LRMDA: variants seen among roughly 807,000 people sequenced by gnomAD.
LRMDA encodes leucine rich melanocyte differentiation associated, also known as leucine-rich melanocyte differentiation-associated protein.
In LRMDA, 18 loss-of-function variants were observed where a neutral mutation model predicts 29.8. That is an observed-to-expected ratio of 0.60 (90% CI 0.42 to 0.90). The LOEUF is 0.90. LRMDA is among the 40% of genes least tolerant of loss of function. The probability of loss-of-function intolerance (pLI) is 0.00; values close to 1 mark genes in which losing one functional copy is unlikely to be tolerated. For synonymous variants in LRMDA, 125 were observed against 109.4 expected, an observed-to-expected ratio of 1.14 and a Z score of -0.89; for missense variants, 273 against 273.9, an observed-to-expected ratio of 1.00 and a Z score of 0.02.
At chr10:76,331,533 G>A (rs1048292086) in intron 6 of LRMDA, among the ~76,000 whole-genome samples, 1 of 152,110 alleles carries the variant, frequency 6.6e-6, no homozygotes, top group Non-Finnish European at 1.5e-5. Flanking sequence ...GTATTGAAAA[G>A]TGGCAAAAGG....
chr10:76,229,263 G>A (rs11814755), intron 5 of LRMDA, among the ~76,000 whole-genome samples: 2,061 of 152,284 alleles, frequency 0.014, 48 homozygotes, highest in African/African-American at 0.047. Flanking sequence ...CAGGCATGGG[G>A]CATCACAAGA....
At chr10:75,569,610 C>A (rs1165176986) in intron 2 of LRMDA, among the ~76,000 whole-genome samples, 1 of 152,192 alleles carries the variant, frequency 6.6e-6, no homozygotes, top group Non-Finnish European at 1.5e-5. Flanking sequence ...AAACATTTTC[C>A]ATTTTCATTT....
chr10:76,136,849 A>C (rs1457119474), intron 5 of LRMDA, among the ~76,000 whole-genome samples: 1 of 152,210 alleles, frequency 6.6e-6, no homozygotes, highest in Non-Finnish European at 1.5e-5. Context: ...CAAGCGTATC[A>C]ATACCCCAAG....
chr10:76,274,621 GTATTT>G (rs908119982), intron 5 of LRMDA, among the ~76,000 whole-genome samples: 199 of 152,222 alleles, frequency 1.3e-3, no homozygotes, highest in African/African-American at 4.4e-3. Flanking sequence ...TAAAGGTTAC[GTATTT>G]TATTCTTGTG....
intron 2 of LRMDA, among the ~76,000 whole-genome samples, chr10:75,449,858 G>A (rs1844439908): frequency 6.6e-6 from 1 of 152,120 alleles, no homozygotes; most frequent in Admixed American, 6.5e-5. Context: ...CTTGGGACTG[G>A]GGGACCTTGA....
In LRMDA at chr10:75,984,071, G is replaced by A. The variant is rs573461805; in HGVS notation, c.132-51937G>A. Among the ~76,000 whole-genome samples, 6 of 152,278 alleles carry A rather than the reference G, an allele frequency of 3.9e-5. No homozygotes were observed. In the East Asian group the frequency reaches 5.8e-4, roughly 15 times the overall value. Reference sequence around the variant, plus strand: ...GGAGTGAACAGGGAAGGAACTAGCCGTGCACCACAAGGTCGTGTGAGAATG... The same window carrying A: ...GGAGTGAACAGGGAAGGAACTAGCCATGCACCACAAGGTCGTGTGAGAATG... On this transcript the variant is annotated intron_variant, in intron 2 of 6. Coordinates refer to ENST00000611255, the MANE Select transcript of LRMDA (RefSeq NM_001305581.2).
intron 6 of LRMDA, among the ~76,000 whole-genome samples, chr10:76,523,795 A>T (rs1461452387): frequency 6.6e-6 from 1 of 152,164 alleles, no homozygotes; most frequent in East Asian, 1.9e-4. Flanking sequence ...CTGGTTTTTG[A>T]CGTTCCTTCC....
chr10:75,975,788 C>T (rs1847059529), intron 2 of LRMDA, among the ~76,000 whole-genome samples: 1 of 152,208 alleles, frequency 6.6e-6, no homozygotes, highest in Non-Finnish European at 1.5e-5. Flanking sequence ...ATGAGCATCC[C>T]AGGCCTCTCC....
intron 6 of LRMDA, among the ~76,000 whole-genome samples, chr10:76,400,942 T>C (rs1341120942): frequency 6.6e-6 from 1 of 152,202 alleles, no homozygotes; most frequent in African/African-American, 2.4e-5. Context: ...AATATCTGCA[T>C]TATATGCTTA....
At chr10:76,530,545 C>T (rs1421464262) in intron 6 of LRMDA, among the ~76,000 whole-genome samples, 2 of 152,092 alleles carry the variant, frequency 1.3e-5, no homozygotes, top group Non-Finnish European at 2.9e-5. Flanking sequence ...ATCACAGTGC[C>T]TACACATAGG....
intron 2 of LRMDA, among the ~76,000 whole-genome samples, chr10:75,980,824 CCTCT>C (rs1351626394): frequency 3.9e-5 from 6 of 152,150 alleles, no homozygotes; most frequent in Admixed American, 3.3e-4. Flanking sequence ...CCCTTTTTAT[CCTCT>C]CTCTCAGACC....
At chr10:76,317,954 T>G (rs1840721030) in intron 5 of LRMDA, among the ~76,000 whole-genome samples, 3 of 152,218 alleles carry the variant, frequency 2.0e-5, no homozygotes, top group African/African-American at 7.2e-5. Context: ...TATGTATTAT[T>G]TTAATGTTTA....
At chr10:76,428,694 T>C (rs1293908600) in intron 6 of LRMDA, among the ~76,000 whole-genome samples, 2 of 152,120 alleles carry the variant, frequency 1.3e-5, no homozygotes, top group Non-Finnish European at 2.9e-5. Flanking sequence ...AAAAAGAGAA[T>C]GACTCACTAG....
chr10:76,187,158 A>C (rs1227757128), intron 5 of LRMDA, among the ~76,000 whole-genome samples: 6 of 152,138 alleles, frequency 3.9e-5, no homozygotes, highest in Non-Finnish European at 5.9e-5. Flanking sequence ...CGATGCTGTC[A>C]CATCTAAAAG....
intron 2 of LRMDA, among the ~76,000 whole-genome samples, chr10:75,721,726 T>G (rs970078089): frequency 6.6e-6 from 1 of 152,214 alleles, no homozygotes; most frequent in Non-Finnish European, 1.5e-5. Flanking sequence ...TCTTTTAATT[T>G]ACAACTTAAT....
At chr10:76,183,967 C>T (rs1446213350) in intron 5 of LRMDA, among the ~76,000 whole-genome samples, 1 of 152,100 alleles carries the variant, frequency 6.6e-6, no homozygotes, top group Non-Finnish European at 1.5e-5. Context: ...AAGTGATGCT[C>T]CACCTTGGCC....
intron 6 of LRMDA, among the ~76,000 whole-genome samples, chr10:76,474,955 A>G (rs1460543348): frequency 6.6e-6 from 1 of 151,850 alleles, no homozygotes; most frequent in Non-Finnish European, 1.5e-5. Context: ...GAGTGGAAAT[A>G]ATCTAAATGT....
At chr10:76,249,618 T>G (rs1052785183) in intron 5 of LRMDA, among the ~76,000 whole-genome samples, 1 of 152,234 alleles carries the variant, frequency 6.6e-6, no homozygotes, top group African/African-American at 2.4e-5. Context: ...ATTCACCTTC[T>G]GACAAGTTTT....
chr10:76,490,265 G>A (rs868772384), intron 6 of LRMDA, among the ~76,000 whole-genome samples: 11 of 152,012 alleles, frequency 7.2e-5, no homozygotes, highest in East Asian at 3.9e-4. Context: ...TTCTGCAGCC[G>A]TTAGATGAAA....
Sources: allele counts gnomAD v4.1 joint callset (sites outside exome capture counted in the v4.1 genomes callset), GRCh38; gene constraint gnomAD v4.1.1; transcripts MANE v1.5; gene names NCBI Gene and HGNC (gene_info 2026-07-23, HGNC 2026-07-21).